ZNF804B: variants seen among roughly 807,000 people sequenced by gnomAD.
ZNF804B encodes the protein zinc finger protein 804B.
In ZNF804B, 80 loss-of-function variants were observed where a neutral mutation model predicts 101.4. The ratio of observed to expected loss-of-function variants is 0.79; its 90% CI spans 0.66 to 0.95. ZNF804B has a LOEUF of 0.95. Among genes scored for constraint, ZNF804B ranks in the 40% least tolerant of loss-of-function variants. The pLI is 0.00. For missense variants in ZNF804B, 1,673 were observed against 1,561.9 expected (o/e 1.07, Z -1.20); for synonymous variants, 622 against 558.8 (o/e 1.11, Z -1.59).
intron 1 of ZNF804B, among the ~76,000 whole-genome samples, chr7:88,995,231 G>A (rs552891330): frequency 6.6e-6 from 1 of 151,922 alleles, no homozygotes; most frequent in African/African-American, 2.4e-5. Context: ...AAATAGATAG[G>A]TCAAGGATGA....
chr7:88,822,401 G>A (rs1230266204), intron 1 of ZNF804B, among the ~76,000 whole-genome samples: 2 of 152,094 alleles, frequency 1.3e-5, no homozygotes, highest in Non-Finnish European at 2.9e-5. Flanking sequence ...TGTCATTACT[G>A]TTTATAGTTA....
chr7:88,883,666 T>G (rs1435598834), intron 1 of ZNF804B, among the ~76,000 whole-genome samples: 3 of 152,072 alleles, frequency 2.0e-5, no homozygotes, highest in Non-Finnish European at 4.4e-5. Flanking sequence ...ACCCACAGAT[T>G]ATAAAATTCT....
At chr7:89,306,119 A>T (rs1256920037) in intron 2 of ZNF804B, among the ~76,000 whole-genome samples, 1 of 152,014 alleles carries the variant, frequency 6.6e-6, no homozygotes, top group Non-Finnish European at 1.5e-5. Flanking sequence ...ACCCAAACAG[A>T]TTTCATCTCC....
intron 3 of ZNF804B, among the ~76,000 whole-genome samples, chr7:89,330,997 T>C (rs1790968129): frequency 6.6e-6 from 1 of 150,644 alleles, no homozygotes; most frequent in South Asian, 2.1e-4. Context: ...TTAAGAAAAG[T>C]ATATATATAA....
chr7:89,241,383 A>G (rs1584077545), intron 2 of ZNF804B, among the ~76,000 whole-genome samples: 1 of 151,566 alleles, frequency 6.6e-6, no homozygotes, highest in African/African-American at 2.4e-5. Flanking sequence ...CACTACCTCT[A>G]CTCCCTGCCA....
At chr7:89,012,942 A>G (rs750598782) in intron 1 of ZNF804B, among the ~76,000 whole-genome samples, 164 of 152,346 alleles carry the variant, frequency 1.1e-3, no homozygotes, top group Non-Finnish European at 1.7e-3. Flanking sequence ...GGTAGCCCTC[A>G]GGAAACTTAA....
chr7:88,768,814 T>C (rs1265512417), intron 1 of ZNF804B, among the ~76,000 whole-genome samples: 4 of 152,254 alleles, frequency 2.6e-5, no homozygotes, highest in Admixed American at 2.6e-4. Flanking sequence ...TGGGTATTAC[T>C]TCTGGCCACT....
intron 1 of ZNF804B, among the ~76,000 whole-genome samples, chr7:89,128,579 G>T (rs900077181): frequency 4.6e-5 from 7 of 151,812 alleles, no homozygotes; most frequent in Non-Finnish European, 8.8e-5. Context: ...TTAATAATGA[G>T]GTTGAACATC....
intron 1 of ZNF804B, among the ~76,000 whole-genome samples, chr7:88,764,853 A>G (rs978236281): frequency 6.6e-6 from 1 of 152,170 alleles, no homozygotes; most frequent in African/African-American, 2.4e-5. Context: ...TCTTGAATTC[A>G]TGAATGCATA....
intron 1 of ZNF804B, among the ~76,000 whole-genome samples, chr7:88,997,739 A>G (rs1386687095): frequency 1.3e-5 from 2 of 152,094 alleles, no homozygotes; most frequent in Non-Finnish European, 2.9e-5. Context: ...AGATTGGCTT[A>G]TACAGCCATT....
At chr7:89,040,435 T>C (rs1213787322) in intron 1 of ZNF804B, among the ~76,000 whole-genome samples, 2 of 152,140 alleles carry the variant, frequency 1.3e-5, no homozygotes, top group Non-Finnish European at 2.9e-5. Flanking sequence ...TATTGTGTTA[T>C]TCAGCTCCAG....
chr7:89,043,691 A>G (rs1214722806), intron 1 of ZNF804B, among the ~76,000 whole-genome samples: 5 of 152,194 alleles, frequency 3.3e-5, no homozygotes, highest in Non-Finnish European at 7.3e-5. Context: ...GTTTATATTT[A>G]AAAGCACTAT....
At chr7:88,782,186 G>A (rs1790239569) in intron 1 of ZNF804B, among the ~76,000 whole-genome samples, 1 of 151,726 alleles carries the variant, frequency 6.6e-6, no homozygotes, top group South Asian at 2.1e-4. Context: ...TTGGGGAGGA[G>A]AGGGTGACAG....
At chr7:89,021,227 T>C (rs1015421118) in intron 1 of ZNF804B, among the ~76,000 whole-genome samples, 1 of 152,194 alleles carries the variant, frequency 6.6e-6, no homozygotes, top group African/African-American at 2.4e-5. Flanking sequence ...TCAGCAGCAA[T>C]CCATTTTAGT....
At chr7:88,781,750 T>C (rs757097422) in intron 1 of ZNF804B, among the ~76,000 whole-genome samples, 1 of 151,374 alleles carries the variant, frequency 6.6e-6, no homozygotes, top group Non-Finnish European at 1.5e-5. Flanking sequence ...TGAACACAGA[T>C]CCTCAAATAT....
intron 1 of ZNF804B, among the ~76,000 whole-genome samples, chr7:88,779,513 G>A (rs1790192601): frequency 6.6e-6 from 1 of 152,144 alleles, no homozygotes; most frequent in Non-Finnish European, 1.5e-5. Flanking sequence ...TAACATGCAG[G>A]AAGCACTCAC....
chr7:88,979,393 T>A (rs1793663771), intron 1 of ZNF804B, among the ~76,000 whole-genome samples: 1 of 152,036 alleles, frequency 6.6e-6, no homozygotes, highest in Non-Finnish European at 1.5e-5. Flanking sequence ...TCAGCTCTTG[T>A]TTTTCTGGGA....
intron 1 of ZNF804B, among the ~76,000 whole-genome samples, chr7:89,130,142 G>A (rs771111925): frequency 6.7e-4 from 102 of 151,990 alleles, no homozygotes; most frequent in South Asian, 6.2e-4. Flanking sequence ...CTACTGGAGT[G>A]GTTTTCCTGG....
chr7:89,034,605 A>G (rs930221779), intron 1 of ZNF804B, among the ~76,000 whole-genome samples: 3 of 152,150 alleles, frequency 2.0e-5, no homozygotes, highest in Admixed American at 6.6e-5. Flanking sequence ...GTTGCATAGT[A>G]TTTCATGGTG....
Sources: allele counts gnomAD v4.1 joint callset (sites outside exome capture counted in the v4.1 genomes callset), GRCh38; gene constraint gnomAD v4.1.1; transcripts MANE v1.5; gene names NCBI Gene and HGNC (gene_info 2026-07-23, HGNC 2026-07-21).